The following CFAP95 variants were observed in gnomAD, a reference collection of about 807,000 sequenced individuals.
CFAP95 encodes the protein cilia and flagella associated protein 95, also known as cilia- and flagella-associated protein 95.
chr9:69,854,269 A>G, the CFAP95 span, among the ~76,000 whole-genome samples: 14 of 152,212 alleles, frequency 9.2e-5, no homozygotes, highest in Admixed American at 6.5e-5. Flanking sequence ...AGAATTGTAG[A>G]GTTGTCACAA....
At chr9:69,854,059 G>C in the CFAP95 span, among the ~76,000 whole-genome samples, 1 of 152,218 alleles carries the variant, frequency 6.6e-6, no homozygotes, top group Non-Finnish European at 1.5e-5. Context: ...CCCAGCTAAA[G>C]TTTGGGGATT....
At chr9:69,896,463 G>A in the CFAP95 span, among the ~76,000 whole-genome samples, 2 of 152,066 alleles carry the variant, frequency 1.3e-5, no homozygotes, top group South Asian at 4.1e-4. Context: ...TTCATTAGTG[G>A]TAGAGATATT....
chr9:69,833,624 C>T, the CFAP95 span, among the ~76,000 whole-genome samples: 13 of 152,244 alleles, frequency 8.5e-5, no homozygotes, highest in South Asian at 1.5e-3. Context: ...GCAATCTTGT[C>T]GATCTCTTCT....
At chr9:69,882,288 TG>T in the CFAP95 span, among the ~76,000 whole-genome samples, 1 of 152,180 alleles carries the variant, frequency 6.6e-6, no homozygotes, top group African/African-American at 2.4e-5. Flanking sequence ...CACTGATTTT[TG>T]TATGTTGATT....
At chr9:69,893,283 T>C in the CFAP95 span, among the ~76,000 whole-genome samples, 12 of 152,266 alleles carry the variant, frequency 7.9e-5, no homozygotes, top group African/African-American at 2.9e-4. Flanking sequence ...AGCCACCCCT[T>C]CATGAGTCCC....
the CFAP95 span, among the ~76,000 whole-genome samples, chr9:69,840,580 T>G: frequency 1.3e-5 from 2 of 152,232 alleles, no homozygotes; most frequent in Non-Finnish European, 2.9e-5. Flanking sequence ...GAGAATTAAT[T>G]CAGTCTCCTG....
chr9:69,902,554 C>T, the CFAP95 span, among the ~76,000 whole-genome samples: 2,300 of 152,228 alleles, frequency 0.015, 54 homozygotes, highest in African/African-American at 0.047. Context: ...AGTTATTACC[C>T]GCTTTATTGA....
chr9:69,830,841 T>G, the CFAP95 span, among the ~76,000 whole-genome samples: 1 of 152,166 alleles, frequency 6.6e-6, no homozygotes, highest in East Asian at 1.9e-4. Flanking sequence ...TTTTCTTTGG[T>G]AGAGTTGACA....
the CFAP95 span, among the ~76,000 whole-genome samples, chr9:69,829,375 C>T: frequency 6.6e-6 from 1 of 152,168 alleles, no homozygotes; most frequent in African/African-American, 2.4e-5. Flanking sequence ...ATGATTGTGC[C>T]ATGACCTTTG....
the CFAP95 span, among the ~76,000 whole-genome samples, chr9:69,890,311 T>C: frequency 6.6e-6 from 1 of 152,232 alleles, no homozygotes; most frequent in Non-Finnish European, 1.5e-5. Context: ...TCTCATGTTA[T>C]TTGTTTCCAC....
chr9:69,904,136 T>G, the CFAP95 span, among the ~76,000 whole-genome samples: 1 of 152,186 alleles, frequency 6.6e-6, no homozygotes, highest in South Asian at 2.1e-4. Flanking sequence ...GATTGTACAA[T>G]CACCACCACA....
At chr9:69,896,389 G>T in the CFAP95 span, among the ~76,000 whole-genome samples, 1 of 152,126 alleles carries the variant, frequency 6.6e-6, no homozygotes, top group Non-Finnish European at 1.5e-5. Flanking sequence ...CAATTTATTT[G>T]TGAAGTGTTC....
chr9:69,893,098 G>T, the CFAP95 span, among the ~76,000 whole-genome samples: 1 of 152,220 alleles, frequency 6.6e-6, no homozygotes, highest in African/African-American at 2.4e-5. Context: ...GCAAAGCTAA[G>T]ACAGTACACT....
At chr9:69,897,752 G>A in the CFAP95 span, among the ~76,000 whole-genome samples, 1 of 152,004 alleles carries the variant, frequency 6.6e-6, no homozygotes, top group Admixed American at 6.6e-5. Flanking sequence ...GAGGTGGAGT[G>A]GATACCAGGA....
the CFAP95 span, among the ~76,000 whole-genome samples, chr9:69,839,195 CT>C: frequency 8.5e-6 from 1 of 117,858 alleles, no homozygotes; most frequent in Non-Finnish European, 1.7e-5. Context: ...CTAAAATTCT[CT>C]TTTTTTGTTG....
At chr9:69,874,640 C>T in the CFAP95 span, among the ~76,000 whole-genome samples, 6 of 152,170 alleles carry the variant, frequency 3.9e-5, no homozygotes, top group African/African-American at 9.7e-5. Context: ...TATTCCCTCC[C>T]GCTGAGGACC....
At chr9:69,856,923 T>G in the CFAP95 span, among the ~76,000 whole-genome samples, 1 of 149,772 alleles carries the variant, frequency 6.7e-6, no homozygotes, top group African/African-American at 2.5e-5. Context: ...TATATGTGTT[T>G]TTTTTTTTTT....
the CFAP95 span, among the ~76,000 whole-genome samples, chr9:69,858,658 A>G: frequency 1.8e-3 from 281 of 152,336 alleles, 2 homozygotes; most frequent in Non-Finnish European, 1.6e-3. Flanking sequence ...ACAAAGTTTT[A>G]TATTGATCGA....
the CFAP95 span, among the ~76,000 whole-genome samples, chr9:69,852,181 C>G: frequency 6.7e-6 from 1 of 148,548 alleles, no homozygotes. Flanking sequence ...TTTTTTTTGG[C>G]AACGGTGCAG....
Sources: allele counts gnomAD v4.1 joint callset (sites outside exome capture counted in the v4.1 genomes callset), GRCh38; gene constraint gnomAD v4.1.1; transcripts MANE v1.5; gene names NCBI Gene and HGNC (gene_info 2026-07-23, HGNC 2026-07-21).